Variants in PIK3CB observed in about 807,000 individuals in gnomAD.
The protein encoded by PIK3CB is phosphatidylinositol-4,5-bisphosphate 3-kinase catalytic subunit beta, also known as phosphatidylinositol 4,5-bisphosphate 3-kinase catalytic subunit beta isoform.
Under a neutral mutation model 136.8 loss-of-function variants are expected in PIK3CB, and 39 were observed. That is an observed-to-expected ratio of 0.29 (90% CI 0.22 to 0.37). PIK3CB has a LOEUF of 0.37. Among genes scored for constraint, PIK3CB ranks in the 10% least tolerant of loss-of-function variants. PIK3CB has a pLI of 1.00. For synonymous variants in PIK3CB, 428 were observed against 436.6 expected (o/e 0.98, Z 0.25); for missense variants, 868 against 1,275.4 (o/e 0.68, Z 4.87).
chr3:138,705,714 G>A (rs920089386), intron 11 of PIK3CB, among the ~76,000 whole-genome samples: 1 of 152,112 alleles, frequency 6.6e-6, no homozygotes. Context: ...GTACTCAAGC[G>A]GATTGAGGAA....
Position 138,783,372 on chromosome 3 carries a change from C to T in PIK3CB, c.-17+13091G>A, listed in dbSNP as rs376894173. Among the ~76,000 whole-genome samples, 21 of 152,062 alleles carry T rather than the reference C, an allele frequency of 1.4e-4. No homozygotes were observed. In the East Asian group the frequency reaches 3.3e-3, roughly 24 times the overall value. ...TCATAGTTCACTGCATCGTCAACCT[C>T]TGGAGCTCAAATGATCCTCCTATCT... is the stretch of plus-strand genomic sequence containing the variant. On this transcript the variant is annotated intron_variant, in intron 2 of 23. Coordinates refer to ENST00000674063, the MANE Select transcript of PIK3CB (RefSeq NM_006219.3).
At position 138,656,278 on chromosome 3, in the gene PIK3CB, TG is replaced by T; in HGVS notation, c.2943-5del. On this transcript the variant is annotated splice_region_variant and splice_polypyrimidine_tract_variant and intron_variant, in intron 22 of 23. Transcript: ENST00000674063. The stretch of plus-strand genomic sequence containing the variant: ...ATCCTCACAACACTGGCGGAACCTT[TG>T]GGTGATGCAGCAAACCACATGAGCA... 6.2e-7 allele frequency: 1 copy of T among 1,614,082 alleles called. No individual in the cohort carries two copies. The highest frequency in any genetic ancestry group is 8.5e-7 in the Non-Finnish European group (1 of 1,180,012).
At chr3:138,766,451 T>C (rs936425027) in intron 2 of PIK3CB, among the ~76,000 whole-genome samples, 1 of 152,226 alleles carries the variant, frequency 6.6e-6, no homozygotes, top group Admixed American at 6.5e-5. Context: ...AATGGCAAAA[T>C]ACACTGCAAA....
intron 1 of PIK3CB, among the ~76,000 whole-genome samples, chr3:138,808,067 T>C (rs1169488220): frequency 6.6e-6 from 1 of 152,112 alleles, no homozygotes; most frequent in African/African-American, 2.4e-5. Flanking sequence ...GTTCCCTCAA[T>C]CAGATTGAGG....
chr3:138,821,875 G>A (rs1036996309), intron 1 of PIK3CB, among the ~76,000 whole-genome samples: 2 of 151,712 alleles, frequency 1.3e-5, no homozygotes, highest in Admixed American at 1.3e-4. Context: ...AGCTTGGCCG[G>A]GTGCTTTGGT....
intron 10 of PIK3CB, among the ~76,000 whole-genome samples, chr3:138,710,438 A>G (rs1436092420): frequency 1.3e-5 from 2 of 152,216 alleles, no homozygotes; most frequent in African/African-American, 2.4e-5. Context: ...CATGAATTAA[A>G]AAATTCAAAT....
At chr3:138,810,418 GACA>G (rs1932971720) in intron 1 of PIK3CB, among the ~76,000 whole-genome samples, 1 of 151,940 alleles carries the variant, frequency 6.6e-6, no homozygotes, top group South Asian at 2.1e-4. Flanking sequence ...GCTGATCAAG[GACA>G]ACATCAACAA....
At chr3:138,798,543 G>C (rs2046134819) in intron 1 of PIK3CB, among the ~76,000 whole-genome samples, 1 of 152,128 alleles carries the variant, frequency 6.6e-6, no homozygotes, top group African/African-American at 2.4e-5. Flanking sequence ...TAGTTTCCTA[G>C]GTGGGGTGGA....
chr3:138,796,095 A>G (rs1435670081), intron 2 of PIK3CB, among the ~76,000 whole-genome samples: 1 of 152,096 alleles, frequency 6.6e-6, no homozygotes, highest in Admixed American at 6.6e-5. Flanking sequence ...TAAAAGATTC[A>G]TAATCTGCTG....
intron 12 of PIK3CB, among the ~76,000 whole-genome samples, chr3:138,703,231 T>C (rs2044290742): frequency 6.6e-6 from 1 of 152,146 alleles, no homozygotes; most frequent in Non-Finnish European, 1.5e-5. Flanking sequence ...AAGAAAGCAG[T>C]AGCAGATGAC....
chr3:138,694,361 C>A (rs2044090657), intron 14 of PIK3CB, among the ~76,000 whole-genome samples: 1 of 152,112 alleles, frequency 6.6e-6, no homozygotes, highest in South Asian at 2.1e-4. Flanking sequence ...TATCACAACT[C>A]ACTCCTGATA....
intron 8 of PIK3CB, among the ~76,000 whole-genome samples, chr3:138,730,333 C>T (rs973471907): frequency 6.6e-6 from 1 of 151,972 alleles, no homozygotes; most frequent in Admixed American, 6.6e-5. Flanking sequence ...AAAGGAATAA[C>T]GCATAATGCT....
intron 13 of PIK3CB, among the ~76,000 whole-genome samples, chr3:138,695,417 T>C (rs1392286071): frequency 2.0e-5 from 3 of 152,194 alleles, no homozygotes; most frequent in Non-Finnish European, 4.4e-5. Flanking sequence ...GTTGGCTATC[T>C]TGTGGATGTT....
intron 19 of PIK3CB, among the ~76,000 whole-genome samples, chr3:138,680,386 T>C (rs1160399211): frequency 6.6e-6 from 1 of 151,764 alleles, no homozygotes; most frequent in Admixed American, 6.6e-5. Flanking sequence ...AGAAAAATAT[T>C]AGACACAGCA....
intron 8 of PIK3CB, among the ~76,000 whole-genome samples, chr3:138,732,725 A>AG (rs2045012361): frequency 6.6e-6 from 1 of 151,194 alleles, no homozygotes; most frequent in South Asian, 2.1e-4. Context: ...GAAAAGAAAA[A>AG]AAAAAAAAAA....
chr3:138,750,362 G>A (rs1398744761), intron 4 of PIK3CB, among the ~76,000 whole-genome samples: 1 of 152,054 alleles, frequency 6.6e-6, no homozygotes, highest in African/African-American at 2.4e-5. Context: ...AATAGAATGG[G>A]GGTGGGGGTG....
intron 1 of PIK3CB, among the ~76,000 whole-genome samples, chr3:138,817,392 T>G (rs879612012): frequency 1.1e-4 from 16 of 152,032 alleles, no homozygotes; most frequent in Admixed American, 2.0e-4. Context: ...GGCGCATGCC[T>G]GTAATCCCAG....
rs1484448509 is a variant in PIK3CB, at chr3:138,676,430, T to TA, written c.2504+5536dup. On this transcript the variant is annotated intron_variant, in intron 19 of 23. Coordinates refer to ENST00000674063, the MANE Select transcript of PIK3CB (RefSeq NM_006219.3). The stretch of plus-strand genomic sequence containing the variant: ...TGATAGTTTCTCAAAAAGTTGAACA[T>TA]AAAGTTAACATCAGTTCCAGTAATT... Among the ~76,000 whole-genome samples, 3 of 152,314 alleles carry TA rather than the reference T, an allele frequency of 2.0e-5. No individual in the cohort carries two copies. The East Asian group carries it at 5.8e-4, about 29-fold the overall frequency.
At position 138,707,406 on chromosome 3, in the gene PIK3CB, T is replaced by C. The variant is rs867342909; in HGVS notation, c.1400-117A>G. On this transcript the variant is annotated intron_variant, in intron 10 of 23. Coordinates refer to ENST00000674063, the MANE Select transcript of PIK3CB (RefSeq NM_006219.3). ...CTTAGAAGTATGTCAACTACAGAAG[T>C]GTGACAGACAATTCTATCAGTAATC... 1.1e-5 allele frequency: 15 copies of C among 1,395,804 alleles called. No homozygotes were observed. The Middle Eastern group carries it at 1.0e-3, about 95-fold the overall frequency. The allele number at this position is 1,395,804 out of a possible 1,614,324, so 86.5% of individuals were successfully genotyped here.
Sources: gnomAD v4.1 joint callset for allele counts (sites outside exome capture counted in the v4.1 genomes callset) on GRCh38, gnomAD v4.1.1 for gene constraint, MANE v1.5 for transcripts, NCBI Gene and HGNC (gene_info 2026-07-23, HGNC 2026-07-21) for gene names.